GET1: variants seen among roughly 807,000 people sequenced by gnomAD.
GET1 encodes congenital heart disease 5 protein.
In GET1, 20 loss-of-function variants were observed where a neutral mutation model predicts 22.6. The observed-to-expected ratio is 0.89, with a 90% CI of 0.62 to 1.29. GET1 has a LOEUF of 1.29. GET1 is among the 50% of genes most tolerant of loss of function. GET1 has a pLI of 0.00. For synonymous variants in GET1, 92 were observed against 83.8 expected (o/e 1.10, Z -0.53); for missense variants, 209 against 219.9 (o/e 0.95, Z 0.31).
intron 1 of GET1, among the ~76,000 whole-genome samples, chr21:39,423,967 C>G (rs946142253): frequency 4.0e-5 from 6 of 151,876 alleles, no homozygotes; most frequent in Admixed American, 3.3e-4. Flanking sequence ...CCAGCCTGAT[C>G]AACAGAGTTA....
intron 4 of GET1, among the ~76,000 whole-genome samples, chr21:39,394,797 C>T (rs993126940): frequency 9.9e-5 from 15 of 152,196 alleles, no homozygotes; most frequent in African/African-American, 3.4e-4. Flanking sequence ...TGGGGGGTAG[C>T]ATATTAGCAT....
chr21:39,419,597 A>T (rs989005415), intron 1 of GET1, among the ~76,000 whole-genome samples: 2 of 152,052 alleles, frequency 1.3e-5, no homozygotes, highest in African/African-American at 4.8e-5. Context: ...TTATGTTAAT[A>T]TCCTAGCCCC....
chr21:39,390,687 C>T lies in GET1; in HGVS notation c.103-11C>T, dbSNP rs545835233. 37 of 1,613,796 alleles carry T rather than the reference C, an allele frequency of 2.3e-5. No homozygotes were observed. The highest frequency in any genetic ancestry group is 1.9e-4 in the South Asian group (17 of 91,056). On this transcript the variant is annotated splice_polypyrimidine_tract_variant and intron_variant, in intron 1 of 4. Coordinates refer to ENST00000649170, the MANE Select transcript of GET1 (RefSeq NM_004627.6). Reference sequence around the variant, plus strand: ...TTGGAAGGTGCTGATCCCCGTTGTCCGCCCTGCCAGATGTCCAGGGTGCTG... The same window carrying T: ...TTGGAAGGTGCTGATCCCCGTTGTCTGCCCTGCCAGATGTCCAGGGTGCTG...
intron 1 of GET1, among the ~76,000 whole-genome samples, chr21:39,382,452 C>G (rs2037612930): frequency 6.6e-6 from 1 of 152,210 alleles, no homozygotes; most frequent in East Asian, 1.9e-4. Flanking sequence ...CACCATTGTA[C>G]TTTCTGCCTC....
At chr21:39,382,613 T>A (rs2037624098) in intron 1 of GET1, among the ~76,000 whole-genome samples, 1 of 152,266 alleles carries the variant, frequency 6.6e-6, no homozygotes, top group African/African-American at 2.4e-5. Flanking sequence ...TAAGGCTGAA[T>A]AGTATCCCAT....
downstream of GET1, chr21:39,410,025 A>G: frequency 6.2e-7 from 1 of 1,608,142 alleles, no homozygotes; most frequent in Non-Finnish European, 8.5e-7. Context: ...GTTTATTCAC[A>G]CAGTGAGGAA....
intron 1 of GET1, among the ~76,000 whole-genome samples, chr21:39,418,057 C>CCT (rs1569086199): frequency 6.6e-6 from 1 of 151,948 alleles, no homozygotes. Context: ...TGAGCCACCG[C>CCT]GCCCAGCGGG....
At position 39,414,742 on chromosome 21, in the gene GET1, C is replaced by CTCTGTG. The variant is rs1341489035; in HGVS notation, c.*23+3806_*23+3807insCTGTGT. Among the ~76,000 whole-genome samples the CTCTGTG allele has an allele frequency of 2.7e-3, 266 of 99,226 alleles. 2 individuals carry two copies. The highest frequency in any genetic ancestry group is 9.8e-3 in the African/African-American group (222 of 22,728). The allele number at this position is 99,226 out of a possible 152,430, so 65.1% of individuals were successfully genotyped here. A position where few individuals can be genotyped will look rare whatever the true frequency, so the allele number is the denominator to read the frequency against. ...TCTCTCTCTCTCTCTCTCTCTCTCT[C>CTCTGTG]TGTGTGTGTGTGTGTGTGTGTGTGT... On this transcript the variant is annotated intron_variant, in intron 1 of 1. Transcript: ENST00000478273.
chr21:39,416,165 A>G (rs920528970), intron 1 of GET1, among the ~76,000 whole-genome samples: 1 of 152,216 alleles, frequency 6.6e-6, no homozygotes, highest in Non-Finnish European at 1.5e-5. Flanking sequence ...TCGTTCATAC[A>G]GGGAAGGTAA....
rs759904672 is a variant in GET1, at chr21:39,380,381, C to T, written c.-4C>T. 1.2e-6 allele frequency: 2 copies of T among 1,600,558 alleles called. No homozygotes were observed. The highest frequency in any genetic ancestry group is 1.7e-6 in the Non-Finnish European group (2 of 1,172,590). On this transcript the variant is annotated 5_prime_UTR_variant, in exon 1 of 5. Coordinates refer to ENST00000649170, the MANE Select transcript of GET1 (RefSeq NM_004627.6). ...CGGACCCAGCACAGCCAGGAGCGTC[C>T]GGGATGAGCTCAGCCGCGGCCGACC... is the stretch of plus-strand genomic sequence containing the variant.
chr21:39,427,871 A>G (rs2837027), intron 1 of GET1: 139,900 of 182,444 alleles, frequency 0.77, 54,063 homozygotes, highest in African/African-American at 0.84. Context: ...TGAAATCCAA[A>G]TATTGTGGTA....
intron 1 of GET1, among the ~76,000 whole-genome samples, chr21:39,413,536 AATT>A (rs1329008030): frequency 6.6e-6 from 1 of 152,192 alleles, no homozygotes; most frequent in African/African-American, 2.4e-5. Context: ...TGAATCATAA[AATT>A]AGTTTATTAT....
intron 1 of GET1, among the ~76,000 whole-genome samples, chr21:39,425,035 G>C (rs1232703026): frequency 6.6e-6 from 1 of 152,210 alleles, no homozygotes; most frequent in Non-Finnish European, 1.5e-5. Context: ...TGCATTTGTA[G>C]GATATAGAGG....
chr21:39,413,994 C>T (rs2040571270), intron 1 of GET1: 1 of 152,236 alleles, frequency 6.6e-6, no homozygotes, highest in Non-Finnish European at 1.5e-5. Context: ...CGGCTTGGAG[C>T]AGAGCTTCAG....
rs2038723333 is a variant in GET1 at position 39,397,531 on chromosome 21, A to G, written c.*592A>G. ...CTTGAGGCTGTTAATTTTTCATTACAGTGTTTTGTAAATGTATCCACGAGA... is the reference window on the plus strand; with the variant it reads ...CTTGAGGCTGTTAATTTTTCATTACGGTGTTTTGTAAATGTATCCACGAGA... On this transcript the variant is annotated 3_prime_UTR_variant, in exon 5 of 5. Coordinates refer to ENST00000649170, the MANE Select transcript of GET1 (RefSeq NM_004627.6). The G allele has an allele frequency of 6.6e-6, 1 of 152,344 alleles. No homozygotes were observed. The highest frequency in any genetic ancestry group is 1.5e-5 in the Non-Finnish European group (1 of 68,146). 9.4% of individuals were successfully genotyped at this position (152,344 alleles called of 1,614,324 possible). A position where few individuals can be genotyped will look rare whatever the true frequency, so the allele number is the denominator to read the frequency against.
At chr21:39,402,802 A>C (rs1277964214), downstream of GET1, among the ~76,000 whole-genome samples, 1 of 152,140 alleles carries the variant, frequency 6.6e-6, no homozygotes, top group Non-Finnish European at 1.5e-5. Flanking sequence ...CATGCGAAAG[A>C]AAGCCAGAGT....
chr21:39,427,084 A>G (rs2074852017), intron 1 of GET1, among the ~76,000 whole-genome samples: 1 of 152,234 alleles, frequency 6.6e-6, no homozygotes, highest in African/African-American at 2.4e-5. Flanking sequence ...ACAGCTGGTA[A>G]CAGCAGACTG....
At position 39,391,794 on chromosome 21, in the gene GET1, C is replaced by T. The variant is rs11548339; in HGVS notation, c.294C>T (p.Ala98=). The change falls in exon 3 of 5, where the codon GCC becomes GCT. Residue 98 remains alanine (A), a synonymous_variant. Coordinates refer to ENST00000649170, the MANE Select transcript of GET1 (RefSeq NM_004627.6). ...TGAAAGCTCGGACAGCTCAATTAGC[C>T]AAGATAAAATGGGTGATAAGTGTCG... The part of the protein sequence containing the change: ...THVKARTAQL[A]KIKWVISVAF... 3 of 1,614,020 alleles carry T rather than the reference C, an allele frequency of 1.9e-6. No individual in the cohort carries two copies. Among genetic ancestry groups the T allele is most frequent in the South Asian group, 2.2e-5 (2 of 91,074 alleles).
rs780635473 is a variant in GET1 at position 39,380,497 on chromosome 21, G to T, written c.102+11G>T. 8.1e-6 allele frequency: 13 copies of T among 1,606,976 alleles called. No individual in the cohort carries two copies. The highest frequency in any genetic ancestry group is 1.1e-5 in the Non-Finnish European group (13 of 1,176,224). On this transcript the variant is annotated intron_variant, in intron 1 of 4. Transcript: ENST00000649170. ...TCCTTCTCATCCTTCGTAAGTGGCT[G>T]CCTGGCCTCCCAAGGGCCGGTGGGG...
Sources: allele counts gnomAD v4.1 joint callset (sites outside exome capture counted in the v4.1 genomes callset), GRCh38; gene constraint gnomAD v4.1.1; transcripts MANE v1.5; gene names NCBI Gene and HGNC (gene_info 2026-07-23, HGNC 2026-07-21).